Variants in LUZP2 observed in about 807,000 individuals in gnomAD.
The protein encoded by LUZP2 is leucine zipper protein 2.
A neutral mutation model predicts 51.6 loss-of-function variants in LUZP2; 52 were observed. That is an observed-to-expected ratio of 1.01 (90% CI 0.81 to 1.27). The LOEUF is 1.27. Among genes scored for constraint, LUZP2 ranks in the 50% most tolerant of loss-of-function variants. The pLI, the probability that LUZP2 is intolerant of heterozygous loss-of-function variation, is 0.00. For missense variants in LUZP2, 436 were observed against 395.4 expected (o/e 1.10, Z -0.87); for synonymous variants, 154 against 137.3 (o/e 1.12, Z -0.85).
chr11:24,945,877 A>G (rs758691077), intron 7 of LUZP2, among the ~76,000 whole-genome samples: 12 of 152,148 alleles, frequency 7.9e-5, no homozygotes, highest in Non-Finnish European at 1.6e-4. Flanking sequence ...TTTTAATTAT[A>G]TGCACAGGCT....
chr11:24,846,181 A>G (rs1265011331), intron 5 of LUZP2, among the ~76,000 whole-genome samples: 1 of 151,990 alleles, frequency 6.6e-6, no homozygotes, highest in East Asian at 1.9e-4. Context: ...TATGATGATC[A>G]TAAAAACTCA....
chr11:24,750,350 T>C (rs1859532942), intron 4 of LUZP2, among the ~76,000 whole-genome samples: 1 of 152,240 alleles, frequency 6.6e-6, no homozygotes, highest in South Asian at 2.1e-4. Context: ...CTATGAATAC[T>C]GCATCATTTG....
At chr11:24,926,901 C>G (rs569807382) in intron 7 of LUZP2, among the ~76,000 whole-genome samples, 1 of 151,246 alleles carries the variant, frequency 6.6e-6, no homozygotes, top group Non-Finnish European at 1.5e-5. Flanking sequence ...ACACCAACAA[C>G]TATTTTTTTT....
intron 5 of LUZP2, among the ~76,000 whole-genome samples, chr11:24,896,682 G>T (rs1853070880): frequency 2.0e-5 from 3 of 152,218 alleles, no homozygotes; most frequent in Admixed American, 2.0e-4. Flanking sequence ...GAGGAGTGCG[G>T]GTGCACCCTA....
At chr11:24,843,032 C>A (rs1851084687) in intron 5 of LUZP2, among the ~76,000 whole-genome samples, 1 of 151,506 alleles carries the variant, frequency 6.6e-6, no homozygotes, top group Admixed American at 6.6e-5. Context: ...AAATAAGTAA[C>A]ATTATTAATG....
At chr11:24,998,786 T>C (rs1368923910) in intron 9 of LUZP2, among the ~76,000 whole-genome samples, 1 of 152,156 alleles carries the variant, frequency 6.6e-6, no homozygotes, top group Admixed American at 6.6e-5. Flanking sequence ...AGGCATAAAA[T>C]CTTGATGATA....
intron 5 of LUZP2, among the ~76,000 whole-genome samples, chr11:24,818,808 T>C (rs1015075646): frequency 3.3e-5 from 5 of 152,060 alleles, no homozygotes; most frequent in African/African-American, 1.2e-4. Flanking sequence ...TATTCTTATA[T>C]ATTTTTAACT....
chr11:24,515,615 T>C (rs543180445), intron 1 of LUZP2, among the ~76,000 whole-genome samples: 30 of 152,274 alleles, frequency 2.0e-4, no homozygotes, highest in Middle Eastern at 3.4e-3. Flanking sequence ...ATGACTTTCC[T>C]ATGGGTTTCA....
chr11:24,640,837 C>A (rs970164077), intron 1 of LUZP2, among the ~76,000 whole-genome samples: 1 of 151,472 alleles, frequency 6.6e-6, no homozygotes, highest in Non-Finnish European at 1.5e-5. Flanking sequence ...TTATTTCTAG[C>A]AAAATGAAAC....
rs141569307 is a variant in LUZP2 at position 24,846,823 on chromosome 11, C to G, written c.397-59168C>G. Among the ~76,000 whole-genome samples, 73 of 152,090 alleles carry G rather than the reference C, an allele frequency of 4.8e-4. 3 individuals carry two copies. In the East Asian group the frequency reaches 0.012, roughly 26 times the overall value. ...TCTTTTTCTTTCTCTCTGTCTCCCTCTATGTGTGTGTGTATACATATATAT... is the reference window on the plus strand; with the variant it reads ...TCTTTTTCTTTCTCTCTGTCTCCCTGTATGTGTGTGTGTATACATATATAT... On this transcript the variant is annotated intron_variant, in intron 5 of 11. Coordinates refer to ENST00000336930, the MANE Select transcript of LUZP2 (RefSeq NM_001009909.4).
intron 7 of LUZP2, among the ~76,000 whole-genome samples, chr11:24,946,067 A>C (rs2133855829): frequency 6.6e-6 from 1 of 152,190 alleles, no homozygotes; most frequent in Non-Finnish European, 1.5e-5. Context: ...AGAAACATAC[A>C]ATATTGGTAT....
At chr11:25,055,106 G>A (rs186889136) in intron 10 of LUZP2, among the ~76,000 whole-genome samples, 1 of 149,698 alleles carries the variant, frequency 6.7e-6, no homozygotes, top group East Asian at 2.0e-4. Context: ...TGCCTCCTGG[G>A]TTCAAGCGAT....
intron 5 of LUZP2, among the ~76,000 whole-genome samples, chr11:24,866,820 A>C (rs1481753071): frequency 6.6e-6 from 1 of 152,112 alleles, no homozygotes. Context: ...GTAGAATGGG[A>C]GGAAGTGGAA....
At position 24,802,864 on chromosome 11, in the gene LUZP2, A is replaced by C. The variant is rs569019163; in HGVS notation, c.396+39556A>C. On this transcript the variant is annotated intron_variant, in intron 5 of 11. Transcript: ENST00000336930. Reference sequence around the variant, plus strand: ...TACTCCTCCTTCATTAATGGGATTAATTATCTTATATAAAAGGTTGAAGAG... The same window carrying C: ...TACTCCTCCTTCATTAATGGGATTACTTATCTTATATAAAAGGTTGAAGAG... Among the ~76,000 whole-genome samples the C allele has an allele frequency of 3.2e-4, 49 of 152,128 alleles. No individual in the cohort carries two copies. The South Asian group carries it at 8.5e-3, about 26-fold the overall frequency.
intron 1 of LUZP2, among the ~76,000 whole-genome samples, chr11:24,670,590 G>A (rs537790169): frequency 5.5e-4 from 84 of 151,926 alleles, no homozygotes; most frequent in Admixed American, 1.2e-3. Context: ...AAAACACACA[G>A]ACACACACAT....
intron 1 of LUZP2, among the ~76,000 whole-genome samples, chr11:24,523,574 C>T (rs1850711666): frequency 1.3e-5 from 2 of 150,310 alleles, no homozygotes; most frequent in African/African-American, 4.9e-5. Context: ...TAAATATATA[C>T]ATTGGTAATG....
intron 1 of LUZP2, among the ~76,000 whole-genome samples, chr11:24,641,163 C>T (rs1395608979): frequency 1.3e-5 from 2 of 151,508 alleles, no homozygotes; most frequent in East Asian, 1.9e-4. Context: ...GATCCTCCCA[C>T]CTCAGCCTCC....
intron 1 of LUZP2, among the ~76,000 whole-genome samples, chr11:24,509,727 G>A (rs1433157428): frequency 6.6e-6 from 1 of 151,304 alleles, no homozygotes; most frequent in Non-Finnish European, 1.5e-5. Flanking sequence ...TAGATACCTT[G>A]CATTTTTCTG....
intron 5 of LUZP2, chr11:24,831,951 G>A (rs1332790395): frequency 6.6e-6 from 1 of 152,526 alleles, no homozygotes; most frequent in Non-Finnish European, 1.5e-5. Context: ...TAGTCTCCAT[G>A]AGGACCATGT....
Sources: gnomAD v4.1 joint callset for allele counts (sites outside exome capture counted in the v4.1 genomes callset) on GRCh38, gnomAD v4.1.1 for gene constraint, MANE v1.5 for transcripts, NCBI Gene and HGNC (gene_info 2026-07-23, HGNC 2026-07-21) for gene names.